EIF4A3: variants seen among roughly 807,000 people sequenced by gnomAD.
EIF4A3 encodes eukaryotic translation initiation factor 4A3.
In EIF4A3, 1 loss-of-function variant was observed where a neutral mutation model predicts 55.6. The ratio of observed to expected loss-of-function variants is 0.02; its 90% CI spans 0.01 to 0.09. The LOEUF (loss-of-function observed/expected upper bound fraction) is 0.09. Ranked by LOEUF, EIF4A3 falls within the 10% of genes least tolerant of loss-of-function variation. The pLI is 1.00. For synonymous variants in EIF4A3, 194 were observed against 196.3 expected (o/e 0.99, Z 0.10); for missense variants, 221 against 540.7 (o/e 0.41, Z 5.86).
At position 80,134,613 on chromosome 17, in the gene EIF4A3, C is replaced by A. The variant is rs891920565; in HGVS notation, c.*877G>T. On this transcript the variant is annotated 3_prime_UTR_variant, in exon 12 of 12. Coordinates refer to ENST00000649764, the MANE Select transcript of EIF4A3 (RefSeq NM_014740.4). Reference sequence around the variant, plus strand: ...CCAAGATGGGAGAATCACTTAAACCCATGAGTGACAGACCAGCCTAGGCCA... The same window carrying A: ...CCAAGATGGGAGAATCACTTAAACCAATGAGTGACAGACCAGCCTAGGCCA... Among the ~76,000 whole-genome samples, 1 of 151,974 alleles carries A rather than the reference C, an allele frequency of 6.6e-6. No individual in the cohort carries two copies. Among genetic ancestry groups the A allele is most frequent in the African/African-American group, 2.4e-5 (1 of 41,348 alleles).
chr17:80,135,714 G>T lies in EIF4A3; in HGVS notation c.1220-208C>A, dbSNP rs183214166. The T allele has an allele frequency of 1.8e-3, 1,074 of 613,640 alleles. 3 individuals are homozygous for T. Among genetic ancestry groups the T allele is most frequent in the Admixed American group, 3.0e-3 (95 of 31,352 alleles). 38.0% of individuals were successfully genotyped at this position (613,640 alleles called of 1,614,324 possible). Reference sequence around the variant, plus strand: ...AGTTCGAGACCAGCCTGGCCAACATGGTGAAACCCCGTCTCTACTAAAAAT... The same window carrying T: ...AGTTCGAGACCAGCCTGGCCAACATTGTGAAACCCCGTCTCTACTAAAAAT... On this transcript the variant is annotated intron_variant, in intron 11 of 11. Coordinates refer to ENST00000649764, the MANE Select transcript of EIF4A3 (RefSeq NM_014740.4).
intron 4 of EIF4A3, chr17:80,140,527 A>G (rs1238598098): frequency 5.6e-6 from 1 of 178,368 alleles, no homozygotes; most frequent in African/African-American, 2.4e-5. Context: ...CCGTGTTAGC[A>G]CACCGTGCTG....
chr17:80,136,409 A>G (rs1598603158), intron 9 of EIF4A3, 74 bp from the exon 10 acceptor site: 1 of 1,232,320 alleles, frequency 8.1e-7, no homozygotes, highest in Non-Finnish European at 1.2e-6. Flanking sequence ...TTCCATTGCT[A>G]ATTTTAAGGA....
rs557339610 is a variant in EIF4A3 at position 80,147,068 on chromosome 17, T to C, written c.-107A>G. 7.0e-4 allele frequency: 942 copies of C among 1,351,986 alleles called. 4 individuals carry two copies. Among genetic ancestry groups the C allele is most frequent in the African/African-American group, 4.8e-3 (257 of 53,160 alleles). The allele number at this position is 1,351,986 out of a possible 1,614,324, so 83.7% of individuals were successfully genotyped here. A position where few individuals can be genotyped will look rare whatever the true frequency, so the allele number is the denominator to read the frequency against. On this transcript the variant is annotated 5_prime_UTR_variant, in exon 1 of 12. Transcript: ENST00000649764. Reference sequence around the variant, plus strand: ...CTCGCTGCCGCTGCCGACCTCGCTGTGCCGCTGCCGACCTCGCTGTGCCGC... The same window carrying C: ...CTCGCTGCCGCTGCCGACCTCGCTGCGCCGCTGCCGACCTCGCTGTGCCGC...
chr17:80,145,262 G>A (rs888434065), intron 1 of EIF4A3, among the ~76,000 whole-genome samples: 1 of 152,162 alleles, frequency 6.6e-6, no homozygotes, highest in Non-Finnish European at 1.5e-5. Flanking sequence ...AACTGTTGTG[G>A]CATCAAGAAC....
In EIF4A3 at chr17:80,141,399, C is replaced by G; in HGVS notation, c.310-18G>C. The G allele has an allele frequency of 6.2e-7, 1 of 1,612,436 alleles. No individual in the cohort carries two copies. Among genetic ancestry groups the G allele is most frequent in the Non-Finnish European group, 8.5e-7 (1 of 1,178,702 alleles). The stretch of plus-strand genomic sequence containing the variant: ...TCACGAACCTGGTGAAATAATTTAT[C>G]AGAAAATAGAGAATCCGCAGTATTA... On this transcript the variant is annotated intron_variant, in intron 3 of 11. Transcript: ENST00000649764.
At chr17:80,141,551 A>T in intron 3 of EIF4A3, 170 bp from the exon 4 acceptor site, 1 of 786,334 alleles carries the variant, frequency 1.3e-6, no homozygotes, top group African/African-American at 1.7e-5. Context: ...ACAATAACTT[A>T]ATGTGTCAGC....
intron 2 of EIF4A3, among the ~76,000 whole-genome samples, chr17:80,142,230 A>G (rs1200228372): frequency 6.6e-6 from 1 of 152,188 alleles, no homozygotes; most frequent in Non-Finnish European, 1.5e-5. Flanking sequence ...AATTAGGCAA[A>G]CGAGGAATAA....
intron 5 of EIF4A3, 108 bp downstream of exon 5, chr17:80,139,900 T>A (rs2039603615): frequency 6.5e-7 from 1 of 1,533,242 alleles, no homozygotes; most frequent in Non-Finnish European, 8.8e-7. Flanking sequence ...GTGACCCAGG[T>A]GCAAAAGTCT....
Position 80,139,666 on chromosome 17 carries a change from A to T in EIF4A3, c.586+4T>A. ...TAGAAGAGTAATTCTTTTGTTGCTC[A>T]TACCTTTATTCAACATTTCATCAGC... is the stretch of plus-strand genomic sequence containing the variant. On this transcript the variant is annotated splice_donor_region_variant and intron_variant, in intron 6 of 11. Coordinates refer to ENST00000649764, the MANE Select transcript of EIF4A3 (RefSeq NM_014740.4). 1 of 1,612,488 alleles carries T rather than the reference A, an allele frequency of 6.2e-7. No individual in the cohort carries two copies. Among genetic ancestry groups the T allele is most frequent in the Non-Finnish European group, 8.5e-7 (1 of 1,179,148 alleles).
intron 2 of EIF4A3, among the ~76,000 whole-genome samples, chr17:80,143,929 G>A (rs1163988447): frequency 2.0e-5 from 3 of 152,140 alleles, no homozygotes; most frequent in African/African-American, 4.8e-5. Flanking sequence ...GCAGTGAGCC[G>A]AGATGGCACC....
intron 6 of EIF4A3, 151 bp downstream of exon 6, chr17:80,139,519 T>C: frequency 1.4e-6 from 1 of 728,512 alleles, no homozygotes; most frequent in South Asian, 2.0e-5. Context: ...GTAGGAATTT[T>C]TTGTTCATAA....
rs536935110 is a variant in EIF4A3, at chr17:80,140,375, G to A, written c.373-235C>T. On this transcript the variant is annotated intron_variant, in intron 4 of 11. Coordinates refer to ENST00000649764, the MANE Select transcript of EIF4A3 (RefSeq NM_014740.4). ...GTGGCCCATGCTGGGGGGCAGCAGCGCAATCTTAGCTCACTGCAAGCTCCG... is the reference window on the plus strand; with the variant it reads ...GTGGCCCATGCTGGGGGGCAGCAGCACAATCTTAGCTCACTGCAAGCTCCG... 180 of 360,350 alleles carry A rather than the reference G, an allele frequency of 5.0e-4. 5 individuals are homozygous for A. The South Asian group carries it at 8.0e-3, about 16-fold the overall frequency. The allele number at this position is 360,350 out of a possible 1,614,324, so 22.3% of individuals were successfully genotyped here.
chr17:80,141,955 G>T, intron 2 of EIF4A3, 107 bp from the exon 3 acceptor site: 3 of 821,262 alleles, frequency 3.7e-6, no homozygotes, highest in Non-Finnish European at 6.1e-6. Context: ...CTTCCAGCAA[G>T]CCCCCGTACC....
At chr17:80,139,902 C>G (rs1271321318) in intron 5 of EIF4A3, 106 bp downstream of exon 5, 2 of 1,537,538 alleles carry the variant, frequency 1.3e-6, no homozygotes, top group Admixed American at 2.0e-5. Flanking sequence ...GACCCAGGTG[C>G]AAAAGTCTAC....
rs1050985949 is a variant in EIF4A3, at chr17:80,135,741, C to T, written c.1220-235G>A. ...TGAAACCCCGTCTCTACTAAAAATA[C>T]AAAAATTAGCTGGCTATGGTGCACG... On this transcript the variant is annotated intron_variant, in intron 11 of 11. Transcript: ENST00000649764. 3 of 607,654 alleles carry T rather than the reference C, an allele frequency of 4.9e-6. No individual in the cohort carries two copies. In the African/African-American group the frequency reaches 5.6e-5, roughly 11 times the overall value. The allele number at this position is 607,654 out of a possible 1,614,324, so 37.6% of individuals were successfully genotyped here. A position where few individuals can be genotyped will look rare whatever the true frequency, so the allele number is the denominator to read the frequency against.
chr17:80,145,008 T>C (rs1265352378), intron 1 of EIF4A3, among the ~76,000 whole-genome samples: 1 of 152,192 alleles, frequency 6.6e-6, no homozygotes. Flanking sequence ...TTCTGGGGCA[T>C]AGCGAAAAAT....
At chr17:80,146,623 G>A (rs1245934422) in intron 1 of EIF4A3, among the ~76,000 whole-genome samples, 170 bp downstream of exon 1, 4 of 152,142 alleles carry the variant, frequency 2.6e-5, no homozygotes, top group African/African-American at 9.7e-5. Flanking sequence ...CAGGCGTGAG[G>A]GCGAGGACGG....
chr17:80,142,608 G>A (rs993558708), intron 2 of EIF4A3, among the ~76,000 whole-genome samples: 1 of 152,168 alleles, frequency 6.6e-6, no homozygotes, highest in South Asian at 2.1e-4. Flanking sequence ...AACCAGGAAC[G>A]GTGGCACATT....
Sources: gnomAD v4.1 joint callset for allele counts (sites outside exome capture counted in the v4.1 genomes callset) on GRCh38, gnomAD v4.1.1 for gene constraint, MANE v1.5 for transcripts, NCBI Gene and HGNC (gene_info 2026-07-23, HGNC 2026-07-21) for gene names.